GULP1: variants seen among roughly 807,000 people sequenced by gnomAD.
GULP1 encodes PTB domain-containing engulfment adapter protein 1.
In GULP1, 19 loss-of-function variants were observed where a neutral mutation model predicts 40.9. That is an observed-to-expected ratio of 0.46 (90% CI 0.32 to 0.68). GULP1 has a LOEUF of 0.68. GULP1 is among the 30% of genes least tolerant of loss of function. GULP1 has a pLI of 0.03. For missense variants in GULP1, 312 were observed against 362.2 expected, an observed-to-expected ratio of 0.86 and a Z score of 1.12; for synonymous variants, 119 against 117.6, an observed-to-expected ratio of 1.01 and a Z score of -0.08.
chr2:188,546,215 C>G (rs1156514453), intron 7 of GULP1, among the ~76,000 whole-genome samples: 1 of 151,892 alleles, frequency 6.6e-6, no homozygotes, highest in Non-Finnish European at 1.5e-5. Flanking sequence ...ACATCATCAA[C>G]CAGTGGGATC....
At position 188,541,315 on chromosome 2, in the gene GULP1, G is replaced by T. The variant is rs199619350; in HGVS notation, c.396G>T (p.Lys132Asn). ...KHLCYVFDSE[K>N]CAEEITLTIG... The stretch of plus-strand genomic sequence containing the variant: ...TGTGCTATGTATTTGACAGCGAAAA[G>T]TGTGTAAGTATCCCAGATGTTGTAG... Residue 132 changes from lysine to asparagine, a missense_variant, in exon 7 of 12, where the codon AAG becomes AAT. Transcript: ENST00000409830. 6.2e-7 allele frequency: 1 copy of T among 1,613,112 alleles called. No homozygotes were observed. Among genetic ancestry groups the T allele is most frequent in the Non-Finnish European group, 8.5e-7 (1 of 1,179,164 alleles).
intron 4 of GULP1, among the ~76,000 whole-genome samples, chr2:188,502,755 C>G (rs1396791250): frequency 6.6e-6 from 1 of 151,914 alleles, no homozygotes; most frequent in Non-Finnish European, 1.5e-5. Context: ...TAGAAAGTCT[C>G]TTAGTCAGTT....
chr2:188,591,678 ATTAC>A (rs765560619), intron 11 of GULP1: 1 of 151,784 alleles, frequency 6.6e-6, no homozygotes, highest in Non-Finnish European at 1.5e-5. Context: ...TATGTAATAT[ATTAC>A]TTACATAAGA....
intron 6 of GULP1, among the ~76,000 whole-genome samples, chr2:188,539,658 A>C (rs943873893): frequency 6.6e-6 from 1 of 152,118 alleles, no homozygotes; most frequent in Non-Finnish European, 1.5e-5. Flanking sequence ...ATACTTACCA[A>C]GCAACTCTTC....
chr2:188,301,850 G>A (rs541865406), intron 1 of GULP1, among the ~76,000 whole-genome samples: 45 of 152,274 alleles, frequency 3.0e-4, no homozygotes, highest in Non-Finnish European at 6.0e-4. Flanking sequence ...AGGAGATTCA[G>A]CTTGAGGGCA....
At chr2:188,420,955 C>T (rs973189318) in intron 2 of GULP1, among the ~76,000 whole-genome samples, 29 of 152,096 alleles carry the variant, frequency 1.9e-4, no homozygotes, top group African/African-American at 7.0e-4. Context: ...TGTCTGTCTC[C>T]TGTCGCTATC....
At chr2:188,385,746 C>A (rs2049637546) in intron 2 of GULP1, among the ~76,000 whole-genome samples, 1 of 152,108 alleles carries the variant, frequency 6.6e-6, no homozygotes. Flanking sequence ...TTCAAAGTTC[C>A]ACAAATCTCT....
chr2:188,456,306 C>A (rs564036942), intron 2 of GULP1, among the ~76,000 whole-genome samples: 3 of 152,284 alleles, frequency 2.0e-5, no homozygotes, highest in Admixed American at 6.5e-5. Context: ...TCTCCCATCA[C>A]GTGCCGGAAG....
At chr2:188,314,833 C>T (rs76310497) in intron 1 of GULP1, among the ~76,000 whole-genome samples, 2,875 of 152,170 alleles carry the variant, frequency 0.019, 91 homozygotes, top group African/African-American at 0.066. Context: ...CGTGATAAAA[C>T]CCCACACTAT....
chr2:188,500,675 A>G (rs1172223042), intron 4 of GULP1, among the ~76,000 whole-genome samples: 1 of 151,978 alleles, frequency 6.6e-6, no homozygotes, highest in Non-Finnish European at 1.5e-5. Context: ...TGCGTAGTAC[A>G]GACATCACCA....
chr2:188,314,200 A>G (rs1299021863), intron 1 of GULP1, among the ~76,000 whole-genome samples: 1 of 152,042 alleles, frequency 6.6e-6, no homozygotes, highest in East Asian at 1.9e-4. Flanking sequence ...TAATCTGTCT[A>G]TATAAAATGG....
At chr2:188,324,593 A>T (rs1374231828) in intron 1 of GULP1, among the ~76,000 whole-genome samples, 1 of 151,998 alleles carries the variant, frequency 6.6e-6, no homozygotes, top group Non-Finnish European at 1.5e-5. Flanking sequence ...TTGGTATTTA[A>T]GAAATATTTA....
chr2:188,520,406 C>T (rs946246717), intron 4 of GULP1, among the ~76,000 whole-genome samples: 1 of 151,506 alleles, frequency 6.6e-6, no homozygotes. Context: ...CGTGGTGGCG[C>T]GTTCCTGTAA....
chr2:188,404,637 A>G (rs2052793404), intron 2 of GULP1, among the ~76,000 whole-genome samples: 1 of 152,084 alleles, frequency 6.6e-6, no homozygotes, highest in Non-Finnish European at 1.5e-5. Context: ...TGCCAAGGGG[A>G]CTTTATCTCT....
At chr2:188,405,999 A>G (rs2053038500) in intron 2 of GULP1, among the ~76,000 whole-genome samples, 1 of 152,230 alleles carries the variant, frequency 6.6e-6, no homozygotes, top group Non-Finnish European at 1.5e-5. Flanking sequence ...AATTAAAAAT[A>G]CGGTCATGTC....
At chr2:188,473,061 G>A (rs4453658) in intron 2 of GULP1, among the ~76,000 whole-genome samples, 15,948 of 152,202 alleles carry the variant, frequency 0.1, 1,902 homozygotes, top group African/African-American at 0.29. Context: ...GATGGTCTTG[G>A]ACAAGATCTG....
intron 4 of GULP1, among the ~76,000 whole-genome samples, chr2:188,522,112 G>A (rs1050784317): frequency 3.9e-5 from 6 of 152,042 alleles, no homozygotes; most frequent in African/African-American, 1.2e-4. Context: ...CCAAAAAACA[G>A]TACAATTGTA....
chr2:188,570,993 CA>C (rs1317811161), intron 9 of GULP1, among the ~76,000 whole-genome samples: 1 of 151,924 alleles, frequency 6.6e-6, no homozygotes, highest in East Asian at 1.9e-4. Context: ...CTTGTCTCTA[CA>C]AAAAATACAA....
At chr2:188,323,002 C>T (rs1350193596) in intron 1 of GULP1, among the ~76,000 whole-genome samples, 6 of 152,066 alleles carry the variant, frequency 3.9e-5, no homozygotes, top group Non-Finnish European at 2.9e-5. Flanking sequence ...ATTCCTCCCC[C>T]TACTTGATAC....
Sources: gnomAD v4.1 joint callset for allele counts (sites outside exome capture counted in the v4.1 genomes callset) on GRCh38, gnomAD v4.1.1 for gene constraint, MANE v1.5 for transcripts, NCBI Gene and HGNC (gene_info 2026-07-23, HGNC 2026-07-21) for gene names.